GRXCR1: variants seen among roughly 807,000 people sequenced by gnomAD.
GRXCR1 encodes glutaredoxin domain-containing cysteine-rich protein 1.
Under a neutral mutation model 27.3 loss-of-function variants are expected in GRXCR1, and 27 were observed. The observed-to-expected ratio is 0.99, with a 90% CI of 0.73 to 1.37. GRXCR1 has a LOEUF of 1.37. Among genes scored for constraint, GRXCR1 ranks in the 40% most tolerant of loss-of-function variants. GRXCR1 has a pLI of 0.00. For missense variants in GRXCR1, 379 were observed against 354.4 expected (o/e 1.07, Z -0.56); for synonymous variants, 122 against 131.1 (o/e 0.93, Z 0.47).
intron 1 of GRXCR1, among the ~76,000 whole-genome samples, chr4:42,954,832 T>C (rs1418726894): frequency 3.9e-5 from 6 of 152,124 alleles, no homozygotes; most frequent in Non-Finnish European, 8.8e-5. Flanking sequence ...GAGAGAAGCC[T>C]GATGTGGATA....
At chr4:42,926,035 A>C (rs1747150532) in intron 1 of GRXCR1, among the ~76,000 whole-genome samples, 2 of 152,036 alleles carry the variant, frequency 1.3e-5, no homozygotes, top group Admixed American at 6.6e-5. Context: ...GTTTGTTTCC[A>C]AAGTGTTCTA....
chr4:42,956,770 C>A (rs75683528), intron 1 of GRXCR1, among the ~76,000 whole-genome samples: 2,546 of 152,174 alleles, frequency 0.017, 36 homozygotes, highest in Middle Eastern at 0.031. Context: ...GAATATGCTA[C>A]TAATGGCCCT....
rs756479109 is a variant in GRXCR1 at position 43,030,392 on chromosome 4, G to T, written c.725G>T (p.Cys242Phe). ...CAGCATCCACATGAGTGTCCCTCTTGTGGAGGCTTTGGCTTTCTTCCATGC... is the reference window on the plus strand; with the variant it reads ...CAGCATCCACATGAGTGTCCCTCTTTTGGAGGCTTTGGCTTTCTTCCATGC... ...RVQHPHECPS[C>F]GGFGFLPCSV... Residue 242 changes from cysteine to phenylalanine, a missense_variant, in exon 4 of 4, where the codon TGT (cysteine) becomes TTT (phenylalanine). Physicochemically the swap from Cys to Phe is radical, Grantham distance 205. Transcript: ENST00000399770. 6.2e-7 allele frequency: 1 copy of T among 1,614,018 alleles called. No homozygotes were observed. Among genetic ancestry groups the T allele is most frequent in the South Asian group, 1.1e-5 (1 of 91,076 alleles).
At chr4:42,963,839 A>G (rs1748181635) in intron 2 of GRXCR1, among the ~76,000 whole-genome samples, 1 of 152,022 alleles carries the variant, frequency 6.6e-6, no homozygotes, top group Non-Finnish European at 1.5e-5. Flanking sequence ...AAGGGACACC[A>G]GCAACCAGTT....
At chr4:42,940,309 C>T (rs1402535662) in intron 1 of GRXCR1, among the ~76,000 whole-genome samples, 1 of 152,074 alleles carries the variant, frequency 6.6e-6, no homozygotes, top group Non-Finnish European at 1.5e-5. Context: ...GTTACTTCTG[C>T]TTCAGATGAG....
At chr4:42,910,969 T>C (rs1461758043) in intron 1 of GRXCR1, among the ~76,000 whole-genome samples, 1 of 152,204 alleles carries the variant, frequency 6.6e-6, no homozygotes, top group African/African-American at 2.4e-5. Context: ...TTAAGTCTTC[T>C]ATAGCTCTTG....
At chr4:43,001,609 T>C (rs1027134067) in intron 2 of GRXCR1, among the ~76,000 whole-genome samples, 2 of 152,144 alleles carry the variant, frequency 1.3e-5, no homozygotes, top group Non-Finnish European at 2.9e-5. Context: ...TTCTTTGTAA[T>C]TGTGTGTGAT....
chr4:42,897,071 A>C (rs542231110), intron 1 of GRXCR1, among the ~76,000 whole-genome samples: 11 of 152,278 alleles, frequency 7.2e-5, no homozygotes, highest in Admixed American at 2.6e-4. Flanking sequence ...AATTTTAAAA[A>C]TATATTTACT....
intron 1 of GRXCR1, among the ~76,000 whole-genome samples, chr4:42,923,636 T>G (rs1747073910): frequency 6.6e-6 from 1 of 152,106 alleles, no homozygotes; most frequent in South Asian, 2.1e-4. Context: ...CTTTTCTTCC[T>G]AGCCTTGCCC....
chr4:42,909,021 A>G (rs1295920064), intron 1 of GRXCR1, among the ~76,000 whole-genome samples: 4 of 152,178 alleles, frequency 2.6e-5, no homozygotes, highest in Non-Finnish European at 5.9e-5. Flanking sequence ...CAAACAAGAC[A>G]TAGGGTTTAT....
chr4:42,952,848 AT>A (rs1747916146), intron 1 of GRXCR1, among the ~76,000 whole-genome samples: 2 of 152,234 alleles, frequency 1.3e-5, no homozygotes, highest in South Asian at 4.1e-4. Flanking sequence ...AATAATTCAT[AT>A]CCCTTTGACA....
chr4:42,962,889 C>G lies in GRXCR1; in HGVS notation c.385-3C>G. The G allele has an allele frequency of 6.2e-7, 1 of 1,612,300 alleles. No individual in the cohort carries two copies. ...TTCTTACAACTCAATGTTTTCCCTT[C>G]AGCAACCATCAACTGATCTAGAATT... On this transcript the variant is annotated splice_polypyrimidine_tract_variant and splice_region_variant and intron_variant, in intron 1 of 3. Coordinates refer to ENST00000399770, the MANE Select transcript of GRXCR1 (RefSeq NM_001080476.3).
chr4:42,930,278 T>C (rs1442084152), intron 1 of GRXCR1, among the ~76,000 whole-genome samples: 1 of 152,020 alleles, frequency 6.6e-6, no homozygotes, highest in Non-Finnish European at 1.5e-5. Context: ...AAAATTCCAT[T>C]GGCTGTTCTC....
intron 1 of GRXCR1, among the ~76,000 whole-genome samples, chr4:42,945,839 T>C (rs549687769): frequency 6.6e-6 from 1 of 152,186 alleles, no homozygotes; most frequent in Non-Finnish European, 1.5e-5. Flanking sequence ...CACAAATACA[T>C]GTTTTTGAGC....
intron 1 of GRXCR1, among the ~76,000 whole-genome samples, chr4:42,920,917 A>T (rs1258365725): frequency 2.0e-5 from 3 of 151,560 alleles, no homozygotes; most frequent in Non-Finnish European, 2.9e-5. Flanking sequence ...TGCGGCTATC[A>T]TTCAAGTTCA....
chr4:43,012,131 T>C (rs1241705422), intron 2 of GRXCR1, among the ~76,000 whole-genome samples: 1 of 152,232 alleles, frequency 6.6e-6, no homozygotes. Context: ...TGACTCAATT[T>C]TCCTTAGCAG....
At chr4:42,933,589 G>A (rs776259387) in intron 1 of GRXCR1, among the ~76,000 whole-genome samples, 11 of 151,822 alleles carry the variant, frequency 7.2e-5, no homozygotes, top group Non-Finnish European at 1.5e-4. Context: ...ACCTCCAATG[G>A]GACAGTGTTA....
chr4:43,010,440 T>C (rs1352504121), intron 2 of GRXCR1, among the ~76,000 whole-genome samples: 1 of 151,496 alleles, frequency 6.6e-6, no homozygotes, highest in East Asian at 1.9e-4. Context: ...GGAAGTTGTA[T>C]GCATTACTTT....
intron 2 of GRXCR1, among the ~76,000 whole-genome samples, chr4:42,980,329 T>A (rs1464806184): frequency 6.6e-6 from 1 of 151,982 alleles, no homozygotes; most frequent in African/African-American, 2.4e-5. Flanking sequence ...TAAGTTTTGG[T>A]ATGTAGTGTT....
Sources: gnomAD v4.1 joint callset for allele counts (sites outside exome capture counted in the v4.1 genomes callset) on GRCh38, gnomAD v4.1.1 for gene constraint, MANE v1.5 for transcripts, NCBI Gene and HGNC (gene_info 2026-07-23, HGNC 2026-07-21) for gene names.